The following PCDHGA4 variants were observed in gnomAD, a reference collection of about 807,000 sequenced individuals.
PCDHGA4 encodes protocadherin gamma-A4.
Under a neutral mutation model 54.6 loss-of-function variants are expected in PCDHGA4, and 38 were observed. The ratio of observed to expected loss-of-function variants is 0.70; its 90% CI spans 0.54 to 0.91. The LOEUF (loss-of-function observed/expected upper bound fraction) is 0.91, where lower values mean the gene tolerates loss of function less well. Among genes scored for constraint, PCDHGA4 ranks in the 40% least tolerant of loss-of-function variants. The pLI, the probability that PCDHGA4 is intolerant of heterozygous loss-of-function variation, is 0.00. For missense variants in PCDHGA4, 1,298 were observed against 1,220.9 expected (o/e 1.06, Z -0.94); for synonymous variants, 511 against 512.9 (o/e 1.00, Z 0.05).
chr5:141,380,318 T>G (rs751911275), intron 1 of PCDHGA4, among the ~76,000 whole-genome samples: 1 of 151,992 alleles, frequency 6.6e-6, no homozygotes, highest in Non-Finnish European at 1.5e-5. Context: ...AGAATGAAAA[T>G]CTAAATGGAA....
chr5:141,387,317 A>C (rs149989100), intron 1 of PCDHGA4, among the ~76,000 whole-genome samples: 9 of 152,348 alleles, frequency 5.9e-5, no homozygotes, highest in African/African-American at 1.4e-4. Flanking sequence ...CTAATGAGTA[A>C]GTATGGAAAA....
Position 141,491,623 on chromosome 5 carries a change from G to T in PCDHGA4, c.2515-3184G>T. 1 of 1,613,930 alleles carries T rather than the reference G, an allele frequency of 6.2e-7. No homozygotes were observed. The highest frequency in any genetic ancestry group is 1.1e-5 in the South Asian group (1 of 91,084). On this transcript the variant is annotated intron_variant, in intron 1 of 3. Transcript: ENST00000571252. This position sits in a 1 kb window ranked among gnomAD's most constrained non-coding sequence, Gnocchi z 6.9. ...CTTCACTTTTCTAAGACCCCTCAGC[G>T]TTCAGCAGCCCACAGCTCTGGCGCT...
At chr5:141,481,587 G>A (rs1276529821) in intron 1 of PCDHGA4, among the ~76,000 whole-genome samples, 1 of 152,198 alleles carries the variant, frequency 6.6e-6, no homozygotes, top group African/African-American at 2.4e-5. Context: ...GGAGGCTGAG[G>A]CCAGCGGATC....
chr5:141,382,171 G>A (rs1325332399), intron 1 of PCDHGA4, among the ~76,000 whole-genome samples: 3 of 151,984 alleles, frequency 2.0e-5, no homozygotes, highest in East Asian at 3.8e-4. Flanking sequence ...GTGTTAGACC[G>A]TCTCTAAGGT....
chr5:141,458,347 T>A (rs1351687231), intron 1 of PCDHGA4, among the ~76,000 whole-genome samples: 1 of 151,916 alleles, frequency 6.6e-6, no homozygotes, highest in Non-Finnish European at 1.5e-5. Flanking sequence ...AGTGGAGAGT[T>A]TAATAAGCAA....
In PCDHGA4 at chr5:141,486,752, C is replaced by G. The variant is rs776406247; in HGVS notation, c.2515-8055C>G. On this transcript the variant is annotated intron_variant, in intron 1 of 3. Transcript: ENST00000571252. The surrounding 1 kb of genome is among the most constrained non-coding windows in gnomAD (Gnocchi z 5.0). ...TGCTACTCGATCCTTTGACTATGAG[C>G]AAACCCAGACACTGCAGTTTGAGGT... 6.2e-7 allele frequency: 1 copy of G among 1,614,244 alleles called. No individual in the cohort carries two copies. The highest frequency in any genetic ancestry group is 1.3e-5 in the African/African-American group (1 of 75,080).
intron 1 of PCDHGA4, chr5:141,371,021 C>T (rs1767401708): frequency 1.2e-6 from 2 of 1,614,026 alleles, no homozygotes; most frequent in South Asian, 2.2e-5. Flanking sequence ...CACATCACCA[C>T]CTGGTCCTCA....
At chr5:141,494,752 T>G (rs889400984) in intron 1 of PCDHGA4, 55 bp from the exon 2 acceptor site, 6 of 1,612,324 alleles carry the variant, frequency 3.7e-6, no homozygotes, top group East Asian at 2.2e-5. Flanking sequence ...GGGGCTCGGG[T>G]GACATTCTAA....
chr5:141,355,682 A>T lies in PCDHGA4; in HGVS notation c.575A>T (p.Asp192Val). The T allele has an allele frequency of 6.2e-7, 1 of 1,613,982 alleles. No individual in the cohort carries two copies. The change falls in exon 1 of 4, where the codon GAT becomes GTT. Residue 192 changes from aspartate (D) to valine (V), a missense_variant. Asp to Val is a radical substitution (Grantham distance 152). Transcript: ENST00000571252. ...RFPLPEAFDP[D>V]VGVNSLQGYQ... ...CCTCTTCCTGAAGCTTTTGATCCGG[A>T]TGTAGGTGTAAACTCCCTGCAGGGT...
intron 1 of PCDHGA4, chr5:141,365,690 C>T: frequency 1.2e-6 from 2 of 1,613,562 alleles, no homozygotes; most frequent in South Asian, 2.2e-5. Flanking sequence ...CAATTTCCCT[C>T]AAGCCTCCTA....
chr5:141,361,770 C>T, intron 1 of PCDHGA4: 1 of 1,613,188 alleles, frequency 6.2e-7, no homozygotes. Flanking sequence ...TCAGCGCCAA[C>T]GTGAGCCTGC....
At chr5:141,414,498 C>T (rs2095755127) in intron 1 of PCDHGA4, 1 of 1,613,848 alleles carries the variant, frequency 6.2e-7, no homozygotes, top group African/African-American at 1.3e-5. Flanking sequence ...CGGAAGCTCA[C>T]TTTATGCTAC....
At chr5:141,497,203 G>A (rs750138875) in intron 2 of PCDHGA4, among the ~76,000 whole-genome samples, 25 of 91,718 alleles carry the variant, frequency 2.7e-4, no homozygotes, top group Non-Finnish European at 4.9e-4. Flanking sequence ...AACAATGTGA[G>A]TGTAATGGGG....
chr5:141,409,442 C>T, intron 1 of PCDHGA4: 2 of 1,613,998 alleles, frequency 1.2e-6, no homozygotes, highest in Non-Finnish European at 1.7e-6. Flanking sequence ...GGACCGAGAG[C>T]AGACACCAGA....
chr5:141,436,220 T>C (rs1179034537), intron 1 of PCDHGA4, among the ~76,000 whole-genome samples: 2 of 152,096 alleles, frequency 1.3e-5, no homozygotes, highest in Non-Finnish European at 2.9e-5. Flanking sequence ...ACAAATGACT[T>C]GGGAAACTAA....
intron 1 of PCDHGA4, chr5:141,427,753 T>A (rs745532152): frequency 4.5e-6 from 6 of 1,322,510 alleles, no homozygotes; most frequent in Non-Finnish European, 6.4e-6. Flanking sequence ...TACTCCATCG[T>A]TACCACTGAC....
At chr5:141,387,843 G>A in intron 1 of PCDHGA4, 5 of 1,597,072 alleles carry the variant, frequency 3.1e-6, no homozygotes, top group Admixed American at 1.7e-5. Flanking sequence ...TTTGTAACCC[G>A]GCGTCTCCAG....
chr5:141,362,652 A>G, intron 1 of PCDHGA4: 1 of 1,421,164 alleles, frequency 7.0e-7, no homozygotes. Flanking sequence ...TGTGAGTTAG[A>G]TTTGGCCAAT....
chr5:141,505,583 T>A, intron 3 of PCDHGA4, 102 bp downstream of exon 3: 1 of 1,583,650 alleles, frequency 6.3e-7, no homozygotes, highest in Non-Finnish European at 8.6e-7. Context: ...ACCTGTGTAG[T>A]TTCTCCAGAT....
Sources: gnomAD v4.1 joint callset for allele counts (sites outside exome capture counted in the v4.1 genomes callset) on GRCh38, gnomAD v4.1.1 for gene constraint, Gnocchi (gnomAD v3.1) non-coding constraint, MANE v1.5 for transcripts, NCBI Gene and HGNC (gene_info 2026-07-23, HGNC 2026-07-21) for gene names.